Variants in SLC37A1 observed in about 807,000 individuals in gnomAD.
SLC37A1 encodes the protein glucose-6-phosphate exchanger SLC37A1.
SLC37A1 carries 49 observed loss-of-function variants against 75.3 expected under a neutral mutation model. The observed-to-expected ratio is 0.65, with a 90% CI of 0.52 to 0.83. SLC37A1 has a LOEUF of 0.83. Ranked by LOEUF, SLC37A1 falls within the 40% of genes least tolerant of loss-of-function variation. SLC37A1 has a pLI of 0.00. For missense variants in SLC37A1, 566 were observed against 695.0 expected (o/e 0.81, Z 2.09); for synonymous variants, 268 against 292.1 (o/e 0.92, Z 0.84).
chr21:42,569,470 G>A (rs555180113), intron 17 of SLC37A1, among the ~76,000 whole-genome samples: 1 of 150,708 alleles, frequency 6.6e-6, no homozygotes, highest in Non-Finnish European at 1.5e-5. Flanking sequence ...GCCTGGGAAG[G>A]TCCCCACAGG....
At chr21:42,512,402 T>C (rs989181175), upstream of SLC37A1, among the ~76,000 whole-genome samples, 2 of 152,064 alleles carry the variant, frequency 1.3e-5, no homozygotes, top group African/African-American at 4.8e-5. Context: ...TTGAGGCAGC[T>C]TAAAGAGTGG....
intron 3 of SLC37A1, among the ~76,000 whole-genome samples, chr21:42,527,267 G>A (rs981265193): frequency 2.6e-5 from 4 of 152,176 alleles, no homozygotes; most frequent in African/African-American, 7.2e-5. Context: ...GCTGGCCTTT[G>A]GGGGAATCTT....
chr21:42,580,760 G>C lies in SLC37A1; in HGVS notation c.*400G>C, dbSNP rs1176191949. On this transcript the variant is annotated 3_prime_UTR_variant, in exon 20 of 20. Transcript: ENST00000352133. ...ATCAAAGTGAGCGAGTACTGCGCTG[G>C]CTGTGGCTTCAGAGAACCTGTATGT... The C allele has an allele frequency of 1.7e-5, 4 of 241,058 alleles. No individual in the cohort carries two copies. The Admixed American group carries it at 2.0e-4, about 12-fold the overall frequency. 14.9% of individuals were successfully genotyped at this position (241,058 alleles called of 1,614,324 possible). A position where few individuals can be genotyped will look rare whatever the true frequency, so the allele number is the denominator to read the frequency against.
intron 18 of SLC37A1, chr21:42,575,523 G>A (rs1275098539): frequency 6.1e-6 from 6 of 985,430 alleles, no homozygotes; most frequent in Admixed American, 1.2e-4. Context: ...TGTTGAGAAA[G>A]TTTGAGGTTT....
intron 17 of SLC37A1, among the ~76,000 whole-genome samples, chr21:42,568,989 A>T (rs1310672411): frequency 6.6e-6 from 1 of 152,160 alleles, no homozygotes; most frequent in Non-Finnish European, 1.5e-5. Flanking sequence ...GAGCCCTTGT[A>T]TGGGGAGCAC....
At chr21:42,542,301 GC>G in intron 6 of SLC37A1, 102 bp from the exon 7 acceptor site, 1 of 844,650 alleles carries the variant, frequency 1.2e-6, no homozygotes, top group Non-Finnish European at 1.9e-6. Flanking sequence ...TGGCTGTCGT[GC>G]CCCCTGCTTT....
At chr21:42,566,518 T>A (rs2147005602) in intron 15 of SLC37A1, among the ~76,000 whole-genome samples, 1 of 152,358 alleles carries the variant, frequency 6.6e-6, no homozygotes, top group Admixed American at 6.5e-5. Flanking sequence ...TGTGGTCCCC[T>A]TAAATGTTAT....
rs369761535 is a variant in SLC37A1, at chr21:42,569,212, G to A, written c.1423+774G>A. Reference sequence around the variant, plus strand: ...AGTGTTTGGTAGATGAAGGTGGCTCGGTAGACCCAGGTCAGCCAGAACCTG... The same window carrying A: ...AGTGTTTGGTAGATGAAGGTGGCTCAGTAGACCCAGGTCAGCCAGAACCTG... On this transcript the variant is annotated intron_variant, in intron 17 of 19. Coordinates refer to ENST00000352133, the MANE Select transcript of SLC37A1 (RefSeq NM_001320537.2). Among the ~76,000 whole-genome samples the A allele has an allele frequency of 2.1e-4, 32 of 152,316 alleles. 2 individuals carry two copies. The highest frequency in any genetic ancestry group is 1.9e-4 in the East Asian group (1 of 5,178).
At chr21:42,573,178 C>CAGG in intron 17 of SLC37A1, among the ~76,000 whole-genome samples, 1 of 151,964 alleles carries the variant, frequency 6.6e-6, no homozygotes, top group Admixed American at 6.5e-5. Flanking sequence ...ACGGGGGCAT[C>CAGG]AGGAGGAGTC....
Position 42,547,339 on chromosome 21 carries a change from G to C in SLC37A1, c.768+199G>C. 1.7e-6 allele frequency: 1 copy of C among 598,756 alleles called. No individual in the cohort carries two copies. The highest frequency in any genetic ancestry group is 3.0e-6 in the Non-Finnish European group (1 of 337,104). 37.1% of individuals were successfully genotyped at this position (598,756 alleles called of 1,614,324 possible). On this transcript the variant is annotated intron_variant, in intron 9 of 19. Transcript: ENST00000352133. This position sits in a 1 kb window ranked among gnomAD's most constrained non-coding sequence, Gnocchi z 6.1. Reference sequence around the variant, plus strand: ...ATAATAACCTTATCAGCAAAACCCAGACAAGAGGTTCAATGCTGTCCAGAT... The same window carrying C: ...ATAATAACCTTATCAGCAAAACCCACACAAGAGGTTCAATGCTGTCCAGAT...
chr21:42,540,478 G>A (rs115653040), intron 6 of SLC37A1, among the ~76,000 whole-genome samples: 400 of 152,300 alleles, frequency 2.6e-3, no homozygotes, highest in African/African-American at 9.3e-3. Context: ...AGGAAGGGCC[G>A]ACTTTGGAGT....
intron 17 of SLC37A1, among the ~76,000 whole-genome samples, chr21:42,571,670 A>AC (rs1303698578): frequency 1.2e-4 from 18 of 150,374 alleles, no homozygotes; most frequent in African/African-American, 3.9e-4. Flanking sequence ...GCTCCCTTCC[A>AC]CCCCGACATT....
At position 42,545,161 on chromosome 21, in the gene SLC37A1, GGTCCTCTGGCCACA is replaced by G. The variant is rs769364858; in HGVS notation, c.730+1561_730+1574del. The stretch of plus-strand genomic sequence containing the variant: ...ATGAGCCAGATGCCCCCTGTCCCTG[GGTCCTCTGGCCACA>G]GGCCCACTCACCTACAGGAAGGCTG... On this transcript the variant is annotated intron_variant, in intron 8 of 19. Coordinates refer to ENST00000352133, the MANE Select transcript of SLC37A1 (RefSeq NM_001320537.2). The surrounding 1 kb of genome is among the most constrained non-coding windows in gnomAD (Gnocchi z 4.0). Among the ~76,000 whole-genome samples the G allele has an allele frequency of 6.6e-5, 10 of 152,110 alleles. No individual in the cohort carries two copies. The highest frequency in any genetic ancestry group is 1.2e-4 in the Non-Finnish European group (8 of 68,010).
chr21:42,500,817 G>A (rs2054335051), intron 1 of SLC37A1, among the ~76,000 whole-genome samples: 1 of 152,218 alleles, frequency 6.6e-6, no homozygotes. Context: ...TTAAGCGTAA[G>A]TAGGTATTTG....
chr21:42,510,306 G>A (rs906977302), upstream of SLC37A1, among the ~76,000 whole-genome samples: 3 of 152,142 alleles, frequency 2.0e-5, no homozygotes, highest in Admixed American at 6.5e-5. Context: ...GATTACAGGC[G>A]AGAGCCATAG....
Position 42,547,190 on chromosome 21 carries a change from C to T in SLC37A1, c.768+50C>T, listed in dbSNP as rs776933521. ...TTTCTAGAACAGTGTGCGGTTCTGACCACTTCCCCAGCCTGCTCCTGCCTG... is the reference window on the plus strand; with the variant it reads ...TTTCTAGAACAGTGTGCGGTTCTGATCACTTCCCCAGCCTGCTCCTGCCTG... On this transcript the variant is annotated intron_variant, in intron 9 of 19. Coordinates refer to ENST00000352133, the MANE Select transcript of SLC37A1 (RefSeq NM_001320537.2). The surrounding 1 kb of genome is among the most constrained non-coding windows in gnomAD (Gnocchi z 6.1). The T allele has an allele frequency of 1.4e-5, 22 of 1,600,684 alleles. No homozygotes were observed. The highest frequency in any genetic ancestry group is 1.9e-5 in the Non-Finnish European group (22 of 1,167,964).
At chr21:42,534,982 G>A (rs941471580) in intron 4 of SLC37A1, 152 bp downstream of exon 4, 4 of 1,083,790 alleles carry the variant, frequency 3.7e-6, no homozygotes, top group African/African-American at 1.6e-5. Flanking sequence ...TCACCGCCAC[G>A]GTGTCCACAG....
chr21:42,563,735 G>A (rs1601755521), intron 12 of SLC37A1, 80 bp from the exon 13 acceptor site: 1 of 1,338,022 alleles, frequency 7.5e-7, no homozygotes, highest in Admixed American at 1.7e-5. Flanking sequence ...CCCGTGCACG[G>A]GTCCTGTTCT....
intron 10 of SLC37A1, among the ~76,000 whole-genome samples, chr21:42,558,299 G>A (rs2055741651): frequency 1.3e-5 from 2 of 152,062 alleles, no homozygotes; most frequent in African/African-American, 4.8e-5. Context: ...AAATAATGTT[G>A]GTGTATTTTA....
Sources: allele counts gnomAD v4.1 joint callset (sites outside exome capture counted in the v4.1 genomes callset), GRCh38; gene constraint gnomAD v4.1.1; non-coding constraint Gnocchi (gnomAD v3.1); transcripts MANE v1.5; gene names NCBI Gene and HGNC (gene_info 2026-07-23, HGNC 2026-07-21).